Variants in RBM46 observed in about 807,000 individuals in gnomAD.
RBM46 encodes RNA binding motif protein 46.
In RBM46, 12 loss-of-function variants were observed where a neutral mutation model predicts 43.3. The observed-to-expected ratio is 0.28, with a 90% CI of 0.18 to 0.45. The LOEUF (loss-of-function observed/expected upper bound fraction) is 0.45, where lower values mean the gene tolerates loss of function less well. Ranked by LOEUF, RBM46 falls within the 20% of genes least tolerant of loss-of-function variation. The pLI, the probability that RBM46 is intolerant of heterozygous loss-of-function variation, is 1.00. For missense variants in RBM46, 412 were observed against 639.1 expected (o/e 0.64, Z 3.83); for synonymous variants, 205 against 207.6 (o/e 0.99, Z 0.11).
At chr4:154,800,013 T>C (rs1216757339) in intron 4 of RBM46, among the ~76,000 whole-genome samples, 2 of 152,100 alleles carry the variant, frequency 1.3e-5, no homozygotes, top group Admixed American at 6.6e-5. Flanking sequence ...CCTCGTGATC[T>C]GCCCGCCTCG....
intron 4 of RBM46, among the ~76,000 whole-genome samples, chr4:154,815,215 G>T (rs1023967335): frequency 5.3e-5 from 8 of 151,884 alleles, no homozygotes; most frequent in Non-Finnish European, 1.5e-5. Flanking sequence ...TATATAACTT[G>T]CTGTCTTTGT....
At chr4:154,810,726 A>C (rs2111177469) in intron 4 of RBM46, among the ~76,000 whole-genome samples, 1 of 152,278 alleles carries the variant, frequency 6.6e-6, no homozygotes, top group South Asian at 2.1e-4. Flanking sequence ...TGGGGGAAGG[A>C]AAGAGTCTTT....
At chr4:154,790,157 T>G (rs1297422542) in intron 1 of RBM46, 11 of 152,226 alleles carry the variant, frequency 7.2e-5, no homozygotes. Flanking sequence ...GGTTTTTTTG[T>G]GTCTCTATCT....
chr4:154,791,376 G>T (rs1196903820), intron 1 of RBM46, among the ~76,000 whole-genome samples: 3 of 152,122 alleles, frequency 2.0e-5, no homozygotes, highest in African/African-American at 7.2e-5. Context: ...TGGTAATGAG[G>T]TCAGGTGCCG....
intron 1 of RBM46, chr4:154,781,774 C>G (rs1457476584): frequency 6.5e-6 from 1 of 153,026 alleles, no homozygotes; most frequent in Admixed American, 6.5e-5. Context: ...CCGCTGCCTT[C>G]CGGCCGCTTC....
chr4:154,814,553 G>T (rs1735334453), intron 4 of RBM46, among the ~76,000 whole-genome samples: 1 of 151,874 alleles, frequency 6.6e-6, no homozygotes, highest in South Asian at 2.1e-4. Flanking sequence ...TTAAATCCCA[G>T]CATTTTTCCT....
At chr4:154,786,892 A>C (rs1733800534) in intron 1 of RBM46, among the ~76,000 whole-genome samples, 1 of 152,116 alleles carries the variant, frequency 6.6e-6, no homozygotes. Flanking sequence ...GCGCCATTGC[A>C]CTCCAGCCTG....
chr4:154,817,641 A>G (rs1735518339), intron 4 of RBM46, among the ~76,000 whole-genome samples: 1 of 151,866 alleles, frequency 6.6e-6, no homozygotes, highest in South Asian at 2.1e-4. Flanking sequence ...CTTGTGTTCC[A>G]TACATTTTGA....
intron 4 of RBM46, among the ~76,000 whole-genome samples, chr4:154,799,904 C>T (rs917009034): frequency 6.6e-6 from 1 of 152,014 alleles, no homozygotes; most frequent in African/African-American, 2.4e-5. Flanking sequence ...GGACTACAGG[C>T]ACGTGCCACC....
At chr4:154,804,085 A>G (rs112011089) in intron 4 of RBM46, among the ~76,000 whole-genome samples, 3 of 152,288 alleles carry the variant, frequency 2.0e-5, no homozygotes, top group African/African-American at 7.2e-5. Flanking sequence ...CATGAATAAA[A>G]GTTCCTTGAG....
chr4:154,785,850 C>A (rs201819), intron 1 of RBM46, among the ~76,000 whole-genome samples: 4,903 of 152,156 alleles, frequency 0.032, 279 homozygotes, highest in African/African-American at 0.11. Flanking sequence ...CAGGACTCTT[C>A]ACCGTATTTA....
chr4:154,795,333 A>C lies in RBM46; in HGVS notation c.-11-1409A>C, dbSNP rs78174034. Among the ~76,000 whole-genome samples, 303 of 152,306 alleles carry C rather than the reference A, an allele frequency of 2.0e-3. 3 individuals carry two copies. The highest frequency in any genetic ancestry group is 3.4e-3 in the Middle Eastern group (1 of 294). On this transcript the variant is annotated intron_variant, in intron 1 of 4. Transcript: ENST00000281722. ...TAGCCAGTCTTGAACCTGAGTCTGC[A>C]CTTTATAACACCATGCTGTCCTTTT...
intron 4 of RBM46, among the ~76,000 whole-genome samples, chr4:154,819,704 T>A (rs1362942063): frequency 6.6e-6 from 1 of 152,138 alleles, no homozygotes; most frequent in Non-Finnish European, 1.5e-5. Flanking sequence ...TTATCAGAAA[T>A]TTTTCATTTG....
intron 4 of RBM46, among the ~76,000 whole-genome samples, chr4:154,812,849 G>C (rs1735247969): frequency 6.6e-6 from 1 of 152,084 alleles, no homozygotes; most frequent in African/African-American, 2.4e-5. Flanking sequence ...CTTTCCCATT[G>C]CTGTGCACTG....
rs1734974294 is a variant in RBM46 at position 154,807,719 on chromosome 4, A to G, written c.1402+8155A>G. ...ATGGTTCACTTTCCTGTGAAGCTTC[A>G]AAACAGAAGGACAATAATTAAAAAC... On this transcript the variant is annotated intron_variant, in intron 4 of 4. Transcript: ENST00000281722. 2.0e-5 allele frequency among the ~76,000 whole-genome samples: 3 copies of G among 152,072 alleles called. 1 individual carries two copies. The highest frequency in any genetic ancestry group is 4.1e-4 in the South Asian group (2 of 4,828).
In RBM46 at chr4:154,799,422, A is replaced by G. The variant is rs749294959; in HGVS notation, c.1260A>G (p.Gln420=). 1.9e-6 allele frequency: 3 copies of G among 1,614,170 alleles called. No homozygotes were observed. Among genetic ancestry groups the G allele is most frequent in the South Asian group, 2.2e-5 (2 of 91,052 alleles). The change falls in exon 4 of 5, where the codon CAA becomes CAG. Residue 420 remains glutamine (Q), a synonymous_variant. Transcript: ENST00000281722. ...ATTATTTATATTCAACAACAAGTCA[A>G]GATGGGAAAGTACTCTTGGTGTATA... ...PEYYLYSTTS[Q]DGKVLLVYKI... is the part of the protein sequence containing the mutation.
At chr4:154,807,508 G>A (rs1383068329) in intron 4 of RBM46, among the ~76,000 whole-genome samples, 4 of 151,834 alleles carry the variant, frequency 2.6e-5, no homozygotes, top group Admixed American at 2.6e-4. Flanking sequence ...AGAAGATGTA[G>A]AATGATGGTT....
intron 1 of RBM46, among the ~76,000 whole-genome samples, chr4:154,792,230 A>G (rs1658594272): frequency 6.6e-6 from 1 of 152,126 alleles, no homozygotes; most frequent in Non-Finnish European, 1.5e-5. Flanking sequence ...CTGGAAAAGA[A>G]AAATATTTAC....
intron 3 of RBM46, 48 bp from the exon 4 acceptor site, chr4:154,798,734 T>C: frequency 7.6e-7 from 1 of 1,320,460 alleles, no homozygotes. Flanking sequence ...ATCTTTACCT[T>C]TTATTCTTTA....
Sources: allele counts gnomAD v4.1 joint callset (sites outside exome capture counted in the v4.1 genomes callset), GRCh38; gene constraint gnomAD v4.1.1; transcripts MANE v1.5; gene names NCBI Gene and HGNC (gene_info 2026-07-23, HGNC 2026-07-21).